LYPD6B: variants seen among roughly 807,000 people sequenced by gnomAD.
The protein encoded by LYPD6B is ly6/PLAUR domain-containing protein 6B.
In LYPD6B, 17 loss-of-function variants were observed where a neutral mutation model predicts 22.8. That is an observed-to-expected ratio of 0.75 (90% CI 0.51 to 1.12). LYPD6B has a LOEUF of 1.12. Ranked by LOEUF, LYPD6B falls within the 50% of genes most tolerant of loss-of-function variation. LYPD6B has a pLI of 0.00. For missense variants in LYPD6B, 221 were observed against 258.3 expected (o/e 0.86, Z 0.99); for synonymous variants, 106 against 91.6 (o/e 1.16, Z -0.90).
chr2:149,107,313 C>A (rs950897508), intron 1 of LYPD6B, among the ~76,000 whole-genome samples: 8 of 152,134 alleles, frequency 5.3e-5, no homozygotes, highest in African/African-American at 1.9e-4. Context: ...CGATGTTTTA[C>A]CTTCCTGGTG....
At chr2:149,040,803 A>T (rs973084881) in intron 1 of LYPD6B, among the ~76,000 whole-genome samples, 2 of 152,232 alleles carry the variant, frequency 1.3e-5, no homozygotes, top group African/African-American at 2.4e-5. Context: ...TCCATCAGTC[A>T]AGTCTTCATC....
chr2:149,149,645 C>T (rs1689243811), intron 2 of LYPD6B, among the ~76,000 whole-genome samples: 1 of 152,210 alleles, frequency 6.6e-6, no homozygotes. Context: ...TGCACCATAA[C>T]GTGTGTTCCT....
chr2:149,108,344 C>T (rs896864082), intron 1 of LYPD6B, among the ~76,000 whole-genome samples: 1 of 152,212 alleles, frequency 6.6e-6, no homozygotes, highest in Admixed American at 6.5e-5. Flanking sequence ...CAGACTAATA[C>T]ACCCTTGCAG....
chr2:149,208,380 A>T lies in LYPD6B; in HGVS notation c.296A>T (p.Asn99Ile). The change falls in exon 5 of 7, where the codon AAT becomes ATT. Residue 99 changes from asparagine to isoleucine, a missense_variant. Asn to Ile is a moderately radical substitution (Grantham distance 149). Transcript: ENST00000409642. ...CENAGDNYNC[N>I]RWAEDKWCPQ... ...AACGCAGGGGATAATTATAACTGCA[A>T]TCGATGGGCAGAAGACAAATGGTGT... 11 of 1,613,736 alleles carry T rather than the reference A, an allele frequency of 6.8e-6. No homozygotes were observed. The highest frequency in any genetic ancestry group is 8.5e-6 in the Non-Finnish European group (10 of 1,179,676).
At chr2:149,049,968 A>G (rs139424775) in intron 1 of LYPD6B, among the ~76,000 whole-genome samples, 119 of 152,330 alleles carry the variant, frequency 7.8e-4, no homozygotes, top group African/African-American at 2.6e-3. Context: ...GGCTAGATAC[A>G]AAGGGGAAAT....
intron 2 of LYPD6B, among the ~76,000 whole-genome samples, chr2:149,157,473 G>T (rs1413288521): frequency 6.6e-6 from 1 of 152,182 alleles, no homozygotes; most frequent in African/African-American, 2.4e-5. Flanking sequence ...GATGACAGCA[G>T]ATCCTCCCAG....
intron 2 of LYPD6B, among the ~76,000 whole-genome samples, chr2:149,151,627 G>A (rs1269883401): frequency 6.6e-6 from 1 of 152,152 alleles, no homozygotes; most frequent in African/African-American, 2.4e-5. Context: ...AAACTCCTCA[G>A]GGATTCTATA....
intron 2 of LYPD6B, among the ~76,000 whole-genome samples, chr2:149,144,272 A>G (rs1688876395): frequency 6.7e-6 from 1 of 150,188 alleles, no homozygotes; most frequent in African/African-American, 2.5e-5. Context: ...TTGTATGAAG[A>G]AAAAAGAAAA....
chr2:149,068,320 C>G (rs751259610), intron 1 of LYPD6B, among the ~76,000 whole-genome samples: 28 of 152,140 alleles, frequency 1.8e-4, no homozygotes, highest in Non-Finnish European at 3.5e-4. Context: ...TAGACTCTTT[C>G]TCCAAGTCTA....
At chr2:149,129,954 G>A (rs1687925546) in intron 1 of LYPD6B, among the ~76,000 whole-genome samples, 1 of 152,188 alleles carries the variant, frequency 6.6e-6, no homozygotes, top group South Asian at 2.1e-4. Context: ...CTGGACTTCT[G>A]CTTCCACTTC....
intron 1 of LYPD6B, among the ~76,000 whole-genome samples, chr2:149,116,471 GATT>G (rs1687010447): frequency 6.6e-6 from 1 of 152,112 alleles, no homozygotes; most frequent in African/African-American, 2.4e-5. Context: ...TGTTAATTGT[GATT>G]ATTAGTGAGA....
intron 1 of LYPD6B, among the ~76,000 whole-genome samples, chr2:149,043,744 A>G (rs1683189041): frequency 6.6e-6 from 1 of 152,094 alleles, no homozygotes; most frequent in Non-Finnish European, 1.5e-5. Flanking sequence ...TTTCTTCTAG[A>G]AGTTTCATGT....
intron 1 of LYPD6B, among the ~76,000 whole-genome samples, chr2:149,106,326 T>C (rs1251899701): frequency 1.3e-5 from 2 of 152,194 alleles, no homozygotes; most frequent in Non-Finnish European, 2.9e-5. Context: ...TCCATTTTAA[T>C]TTTCTGGAAG....
chr2:149,057,214 T>A (rs1364208982), intron 1 of LYPD6B, among the ~76,000 whole-genome samples: 2 of 152,084 alleles, frequency 1.3e-5, no homozygotes, highest in Non-Finnish European at 2.9e-5. Flanking sequence ...ATATTATTTA[T>A]TATTAGGATG....
At chr2:149,123,195 T>A (rs1687484892) in intron 1 of LYPD6B, among the ~76,000 whole-genome samples, 1 of 152,196 alleles carries the variant, frequency 6.6e-6, no homozygotes, top group African/African-American at 2.4e-5. Context: ...ACCATACAGC[T>A]CCTCATTTGG....
intron 5 of LYPD6B, among the ~76,000 whole-genome samples, chr2:149,210,955 TGGCTTACGGTTCCATA>T (rs1229417850): frequency 6.6e-6 from 1 of 152,204 alleles, no homozygotes; most frequent in Non-Finnish European, 1.5e-5. Context: ...GAGATTTAAT[TGGCTTACGGTTCCATA>T]GGCTGTTCAG....
At chr2:149,082,322 C>T (rs1453335938) in intron 1 of LYPD6B, among the ~76,000 whole-genome samples, 2 of 152,192 alleles carry the variant, frequency 1.3e-5, no homozygotes, top group African/African-American at 4.8e-5. Flanking sequence ...TAGATCTTCA[C>T]CTCTCCTGCT....
At chr2:149,170,326 C>G (rs568927975) in intron 3 of LYPD6B, among the ~76,000 whole-genome samples, 1 of 152,228 alleles carries the variant, frequency 6.6e-6, no homozygotes, top group Non-Finnish European at 1.5e-5. Context: ...AGGGCTTTCA[C>G]ACTTGACATA....
chr2:149,117,380 C>T (rs1009271449), intron 1 of LYPD6B, among the ~76,000 whole-genome samples: 3 of 151,660 alleles, frequency 2.0e-5, no homozygotes, highest in Non-Finnish European at 2.9e-5. Flanking sequence ...AAGTGATTCT[C>T]GTGCCTCAGC....
Sources: gnomAD v4.1 joint callset for allele counts (sites outside exome capture counted in the v4.1 genomes callset) on GRCh38, gnomAD v4.1.1 for gene constraint, MANE v1.5 for transcripts, NCBI Gene and HGNC (gene_info 2026-07-23, HGNC 2026-07-21) for gene names.